The following ESR1 variants were observed in gnomAD, a reference collection of about 807,000 sequenced individuals.
ESR1 encodes the protein estrogen receptor 1.
A neutral mutation model predicts 52.7 loss-of-function variants in ESR1; 12 were observed. That is an observed-to-expected ratio of 0.23 (90% CI 0.15 to 0.37). The LOEUF is 0.37. Ranked by LOEUF, ESR1 falls within the 10% of genes least tolerant of loss-of-function variation. The pLI, the probability that ESR1 is intolerant of heterozygous loss-of-function variation, is 1.00. For synonymous variants in ESR1, 305 were observed against 316.8 expected, an observed-to-expected ratio of 0.96 and a Z score of 0.39; for missense variants, 584 against 779.7, an observed-to-expected ratio of 0.75 and a Z score of 2.99.
chr6:151,827,697 A>G (rs1201804460), intron 1 of ESR1, among the ~76,000 whole-genome samples: 1 of 152,214 alleles, frequency 6.6e-6, no homozygotes, highest in African/African-American at 2.4e-5. Context: ...CTATGTCTTT[A>G]AATATCAAGA....
chr6:151,963,200 G>T (rs987377335), intron 4 of ESR1, among the ~76,000 whole-genome samples: 1 of 152,018 alleles, frequency 6.6e-6, no homozygotes, highest in African/African-American at 2.4e-5. Context: ...GTTAATTGGA[G>T]CCCTGTGTGT....
At chr6:151,721,387 G>T (rs1387258853) in intron 2 of ESR1, among the ~76,000 whole-genome samples, 2 of 152,136 alleles carry the variant, frequency 1.3e-5, no homozygotes, top group East Asian at 3.9e-4. Context: ...TACTAAGACA[G>T]AAATAACAAA....
chr6:151,690,982 A>C (rs1396135458), intron 1 of ESR1, among the ~76,000 whole-genome samples: 1 of 152,222 alleles, frequency 6.6e-6, no homozygotes, highest in East Asian at 1.9e-4. Flanking sequence ...AATGTATTGG[A>C]TCTAGCACTA....
Position 152,065,065 on chromosome 6 carries a change from T to A in ESR1, c.1369+3941T>A, listed in dbSNP as rs193048730. 1.2e-3 allele frequency among the ~76,000 whole-genome samples: 176 copies of A among 152,136 alleles called. 1 individual carries two copies. Among genetic ancestry groups the A allele is most frequent in the African/African-American group, 4.0e-3 (164 of 41,492 alleles). On this transcript the variant is annotated intron_variant, in intron 6 of 7. Coordinates refer to ENST00000206249, the MANE Select transcript of ESR1 (RefSeq NM_000125.4). ...ATGAGAATCTCTGGCTTAAACGGAGTAGGTTCATGCCTTTTTTCAGTGTAA... is the reference window on the plus strand; with the variant it reads ...ATGAGAATCTCTGGCTTAAACGGAGAAGGTTCATGCCTTTTTTCAGTGTAA...
At position 151,930,499 on chromosome 6, in the gene ESR1, T is replaced by C. The variant is rs185885274; in HGVS notation, c.761-13674T>C. ...CTTACCTATATACTATAATCACCTATACATTGCTGCTATTATGATTTTAAA... is the reference window on the plus strand; with the variant it reads ...CTTACCTATATACTATAATCACCTACACATTGCTGCTATTATGATTTTAAA... On this transcript the variant is annotated intron_variant, in intron 3 of 7. Transcript: ENST00000206249. 3.9e-5 allele frequency among the ~76,000 whole-genome samples: 6 copies of C among 152,328 alleles called. No homozygotes were observed. The East Asian group carries it at 1.2e-3, about 29-fold the overall frequency.
chr6:151,746,526 A>G (rs1783494546), intron 2 of ESR1, among the ~76,000 whole-genome samples: 1 of 152,216 alleles, frequency 6.6e-6, no homozygotes, highest in Non-Finnish European at 1.5e-5. Flanking sequence ...AATACAGGGA[A>G]AAGGCATCAA....
intron 5 of ESR1, among the ~76,000 whole-genome samples, chr6:152,041,022 C>A (rs977841088): frequency 1.3e-5 from 2 of 152,178 alleles, no homozygotes; most frequent in African/African-American, 4.8e-5. Context: ...TCATGATAGG[C>A]AATTTAGGTA....
rs993716028 is a variant in ESR1 at position 152,098,238 on chromosome 6, A to C, written c.1554-494A>C. Among the ~76,000 whole-genome samples the C allele has an allele frequency of 1.3e-5, 2 of 152,096 alleles. No individual in the cohort carries two copies. The highest frequency in any genetic ancestry group is 4.8e-5 in the African/African-American group (2 of 41,416). ...TTGTTGAACATGGAAAGGCATTTAGATCGTATTCTGAGTTAAATGGGAAGT... is the reference window on the plus strand; with the variant it reads ...TTGTTGAACATGGAAAGGCATTTAGCTCGTATTCTGAGTTAAATGGGAAGT... On this transcript the variant is annotated intron_variant, in intron 7 of 7. Coordinates refer to ENST00000206249, the MANE Select transcript of ESR1 (RefSeq NM_000125.4). This position sits in a 1 kb window ranked among gnomAD's most constrained non-coding sequence, Gnocchi z 5.1.
intron 2 of ESR1, among the ~76,000 whole-genome samples, chr6:151,743,092 G>C (rs764394025): frequency 6.6e-6 from 1 of 152,192 alleles, no homozygotes; most frequent in African/African-American, 2.4e-5. Flanking sequence ...TGCCAAGAAA[G>C]CTCCCCAGGG....
At chr6:151,989,486 T>A (rs2040819089) in intron 4 of ESR1, among the ~76,000 whole-genome samples, 1 of 152,086 alleles carries the variant, frequency 6.6e-6, no homozygotes, top group African/African-American at 2.4e-5. Flanking sequence ...TTTAAAAAAA[T>A]CATTATATTT....
Position 151,962,702 on chromosome 6 carries a change from C to T in ESR1, c.1096+18194C>T, listed in dbSNP as rs140746902. 2.1e-3 allele frequency among the ~76,000 whole-genome samples: 321 copies of T among 152,302 alleles called. 1 individual carries two copies. Among genetic ancestry groups the T allele is most frequent in the Non-Finnish European group, 3.6e-3 (245 of 68,028 alleles). On this transcript the variant is annotated intron_variant, in intron 4 of 7. Transcript: ENST00000206249. ...TTTGATCTCTGGTGTTCTGAAATTG[C>T]GTAATCATGTGCTTGCTCTTTTTCA...
At chr6:152,008,340 A>G (rs905846987) in intron 4 of ESR1, among the ~76,000 whole-genome samples, 1 of 152,006 alleles carries the variant, frequency 6.6e-6, no homozygotes, top group African/African-American at 2.4e-5. Flanking sequence ...AATTAAATAG[A>G]CTCTTTTTGA....
intron 2 of ESR1, among the ~76,000 whole-genome samples, chr6:151,755,126 C>A (rs1784181247): frequency 6.6e-5 from 10 of 151,418 alleles, no homozygotes; most frequent in Admixed American, 6.6e-4. Flanking sequence ...GGGAGGATTG[C>A]TTGAGCCTGA....
At position 151,842,588 on chromosome 6, in the gene ESR1, T is replaced by TC; in HGVS notation, c.453-3dup. 1 of 1,611,982 alleles carries TC rather than the reference T, an allele frequency of 6.2e-7. No individual in the cohort carries two copies. The highest frequency in any genetic ancestry group is 1.3e-5 in the African/African-American group (1 of 74,978). Reference sequence around the variant, plus strand: ...AATGTTAATGGATTTACTGTTTTTTTCCCCCCAGGCCAAATTCAGATAATC... The same window carrying TC: ...AATGTTAATGGATTTACTGTTTTTTTCCCCCCCAGGCCAAATTCAGATAATC... On this transcript the variant is annotated splice_polypyrimidine_tract_variant and intron_variant, in intron 1 of 7. Transcript: ENST00000206249.
chr6:151,768,232 G>T lies in ESR1; in HGVS notation c.-70-39611G>T, dbSNP rs1785222329. ...CAAGTGATCAAAGGTGACATCAGTAGTGGGACACATTAACATCATGTGCTT... is the reference window on the plus strand; with the variant it reads ...CAAGTGATCAAAGGTGACATCAGTATTGGGACACATTAACATCATGTGCTT... On this transcript the variant is annotated intron_variant, in intron 2 of 2. Coordinates refer to the ESR1 transcript ENST00000404742. Among the ~76,000 whole-genome samples the T allele has an allele frequency of 2.0e-5, 3 of 152,228 alleles. No individual in the cohort carries two copies. In the South Asian group the frequency reaches 6.2e-4, roughly 32 times the overall value.
In ESR1 at chr6:151,990,018, A is replaced by G. The variant is rs138560845; in HGVS notation, c.1097-21638A>G. 1.3e-4 allele frequency among the ~76,000 whole-genome samples: 20 copies of G among 152,250 alleles called. No individual in the cohort carries two copies. In the East Asian group the frequency reaches 3.7e-3, roughly 28 times the overall value. On this transcript the variant is annotated intron_variant, in intron 4 of 7. Coordinates refer to ENST00000206249, the MANE Select transcript of ESR1 (RefSeq NM_000125.4). ...TGTAGGCTTCCAATGTTTTCATGTA[A>G]ATACATTTCATGAGTCCTCAGTAGA... is the stretch of plus-strand genomic sequence containing the variant.
intron 2 of ESR1, among the ~76,000 whole-genome samples, chr6:151,721,473 T>C (rs1406696749): frequency 1.3e-5 from 2 of 152,184 alleles, no homozygotes; most frequent in Non-Finnish European, 2.9e-5. Flanking sequence ...GCGAGATTCC[T>C]GGGGAGATAG....
intron 4 of ESR1, among the ~76,000 whole-genome samples, chr6:151,970,742 C>T (rs1584548561): frequency 6.6e-6 from 1 of 152,186 alleles, no homozygotes; most frequent in Non-Finnish European, 1.5e-5. Flanking sequence ...ATTCTCCTCG[C>T]TCTCTCTAAA....
intron 2 of ESR1, among the ~76,000 whole-genome samples, chr6:151,775,668 C>A (rs1785910084): frequency 6.6e-6 from 1 of 151,780 alleles, no homozygotes; most frequent in African/African-American, 2.4e-5. Context: ...ATGGCGTGAA[C>A]CCGGGAGGCG....
Sources: allele counts gnomAD v4.1 joint callset (sites outside exome capture counted in the v4.1 genomes callset), GRCh38; gene constraint gnomAD v4.1.1; non-coding constraint Gnocchi (gnomAD v3.1); transcripts MANE v1.5; gene names NCBI Gene and HGNC (gene_info 2026-07-23, HGNC 2026-07-21).